Variants in PTBP3 observed in about 807,000 individuals in gnomAD.
PTBP3 encodes polypyrimidine tract-binding protein 3.
A neutral mutation model predicts 58.7 loss-of-function variants in PTBP3; 20 were observed. That is an observed-to-expected ratio of 0.34 (90% CI 0.24 to 0.50). The LOEUF is 0.50. Among genes scored for constraint, PTBP3 ranks in the 20% least tolerant of loss-of-function variants. The pLI is 0.98. For synonymous variants in PTBP3, 185 were observed against 219.8 expected (o/e 0.84, Z 1.40); for missense variants, 509 against 637.2 (o/e 0.80, Z 2.17).
chr9:112,266,652 A>T (rs1023504754), intron 4 of PTBP3, among the ~76,000 whole-genome samples: 1 of 152,242 alleles, frequency 6.6e-6, no homozygotes, highest in African/African-American at 2.4e-5. Flanking sequence ...AGTCATTTAA[A>T]GCTGATGAGG....
rs545916184 is a variant in PTBP3, at chr9:112,222,603, C to T, written c.*1248G>A. ...CAAAACCATTCACCCTTCCCCACAC[C>T]GTCTCTGCACCAAGCACCAAAAATT... On this transcript the variant is annotated 3_prime_UTR_variant, in exon 14 of 14. Coordinates refer to ENST00000374257, the MANE Select transcript of PTBP3 (RefSeq NM_001163788.4). The T allele has an allele frequency of 2.6e-5, 26 of 985,698 alleles. No homozygotes were observed. In the East Asian group the frequency reaches 7.9e-4, roughly 30 times the overall value. The allele number at this position is 985,698 out of a possible 1,614,324, so 61.1% of individuals were successfully genotyped here.
At position 112,312,491 on chromosome 9, in the gene PTBP3, T is replaced by TG. The variant is rs1481851809; in HGVS notation, c.-51-14576_-51-14575insC. Among the ~76,000 whole-genome samples, 16 of 146,766 alleles carry TG rather than the reference T, an allele frequency of 1.1e-4. 1 individual carries two copies. The highest frequency in any genetic ancestry group is 6.8e-4 in the Admixed American group (10 of 14,686). ...ACGAGACCTTGTTTTTTTTTTTGTTTTTTTTTTTTAAAAAAAAAAAAAAGG... is the reference window on the plus strand; with the variant it reads ...ACGAGACCTTGTTTTTTTTTTTGTTTGTTTTTTTTTAAAAAAAAAAAAAAGG... On this transcript the variant is annotated intron_variant, in intron 1 of 13. Coordinates refer to ENST00000374257, the MANE Select transcript of PTBP3 (RefSeq NM_001163788.4).
At chr9:112,343,879 G>A in the PTBP3 span, among the ~76,000 whole-genome samples, 2 of 151,012 alleles carry the variant, frequency 1.3e-5, no homozygotes, top group Non-Finnish European at 2.9e-5. Flanking sequence ...CATGTTATTG[G>A]CCATTCATTG....
chr9:112,270,806 G>A (rs898151850), intron 3 of PTBP3, among the ~76,000 whole-genome samples: 15 of 152,010 alleles, frequency 9.9e-5, no homozygotes, highest in African/African-American at 3.1e-4. Context: ...CCAGGGCTTA[G>A]GTTCCTTTTT....
chr9:112,321,000 A>G (rs1053959379), intron 1 of PTBP3, among the ~76,000 whole-genome samples: 1 of 152,210 alleles, frequency 6.6e-6, no homozygotes, highest in Admixed American at 6.5e-5. Context: ...GCTATAACCT[A>G]AAAGGAAAAG....
intron 7 of PTBP3, among the ~76,000 whole-genome samples, chr9:112,244,406 G>C (rs1405925972): frequency 6.6e-6 from 1 of 151,850 alleles, no homozygotes; most frequent in Non-Finnish European, 1.5e-5. Context: ...GGCTGCAGTG[G>C]CTCACGCTGG....
the PTBP3 span, among the ~76,000 whole-genome samples, chr9:112,341,628 GA>G: frequency 2.0e-5 from 3 of 151,996 alleles, no homozygotes; most frequent in African/African-American, 4.8e-5. Context: ...GTGCGTTATT[GA>G]TTTTTTTTGT....
Position 112,220,964 on chromosome 9 carries a change from T to C in PTBP3, c.*2887A>G, listed in dbSNP as rs1834787817. The C allele has an allele frequency of 1.0e-6, 1 of 963,312 alleles. No individual in the cohort carries two copies. The highest frequency in any genetic ancestry group is 1.2e-6 in the Non-Finnish European group (1 of 809,920). 59.7% of individuals were successfully genotyped at this position (963,312 alleles called of 1,614,324 possible). ...GAATAAATGCATGCCAAAACAGAGA[T>C]ACACAGATCTAGTTTTTCCACCATC... On this transcript the variant is annotated 3_prime_UTR_variant, in exon 14 of 14. Transcript: ENST00000374257.
intron 8 of PTBP3, among the ~76,000 whole-genome samples, chr9:112,233,844 T>A (rs1226892093): frequency 1.3e-5 from 2 of 152,006 alleles, no homozygotes; most frequent in African/African-American, 4.8e-5. Context: ...GGCATGAGAA[T>A]CATTTGAACC....
At chr9:112,291,431 A>T (rs963864864) in intron 2 of PTBP3, among the ~76,000 whole-genome samples, 4 of 152,200 alleles carry the variant, frequency 2.6e-5, no homozygotes, top group African/African-American at 9.6e-5. Flanking sequence ...CTTGAGAAAA[A>T]CAAAGCCGAA....
At chr9:112,270,946 C>A (rs1363636302) in intron 3 of PTBP3, among the ~76,000 whole-genome samples, 4 of 152,092 alleles carry the variant, frequency 2.6e-5, no homozygotes, top group Non-Finnish European at 5.9e-5. Flanking sequence ...GCAACCTCAG[C>A]CTCCCGAGTA....
the PTBP3 span, among the ~76,000 whole-genome samples, chr9:112,347,519 T>C: frequency 6.6e-6 from 1 of 151,994 alleles, no homozygotes; most frequent in Non-Finnish European, 1.5e-5. Flanking sequence ...TATTTGTATT[T>C]TTTTGTGGAA....
At chr9:112,340,740 G>A in the PTBP3 span, among the ~76,000 whole-genome samples, 11 of 152,074 alleles carry the variant, frequency 7.2e-5, no homozygotes, top group African/African-American at 1.4e-4. Flanking sequence ...TTAGCCGGGC[G>A]TAGTGGTGCA....
chr9:112,285,591 C>T (rs1038267299), intron 2 of PTBP3, among the ~76,000 whole-genome samples: 3 of 152,184 alleles, frequency 2.0e-5, no homozygotes, highest in Non-Finnish European at 4.4e-5. Flanking sequence ...TTGTGGGTCA[C>T]AGGATCTCTG....
the PTBP3 span, among the ~76,000 whole-genome samples, chr9:112,378,221 G>A: frequency 6.6e-6 from 1 of 152,150 alleles, no homozygotes; most frequent in Non-Finnish European, 1.5e-5. Context: ...TCTAGTCAAA[G>A]TACTGAATAC....
intron 1 of PTBP3, among the ~76,000 whole-genome samples, chr9:112,305,935 G>A (rs759517863): frequency 6.6e-6 from 1 of 151,922 alleles, no homozygotes; most frequent in African/African-American, 2.4e-5. Flanking sequence ...GCGAGACTCT[G>A]TCTCAAAAAA....
chr9:112,305,722 T>TGA (rs1829161629), intron 1 of PTBP3, among the ~76,000 whole-genome samples: 2 of 151,908 alleles, frequency 1.3e-5, no homozygotes, highest in Non-Finnish European at 2.9e-5. Flanking sequence ...GGGCGGATAA[T>TGA]GAGGTCAGGA....
At position 112,333,502 on chromosome 9, in the gene PTBP3, G is replaced by C. The variant is rs1161675159; in HGVS notation, c.-84C>G. Reference sequence around the variant, plus strand: ...TGGCCCAGATGGAGGCGCGCACAGAGCAGGGACTGACGGGCTAACCGCGAG... The same window carrying C: ...TGGCCCAGATGGAGGCGCGCACAGACCAGGGACTGACGGGCTAACCGCGAG... On this transcript the variant is annotated 5_prime_UTR_variant, in exon 1 of 14. Transcript: ENST00000374257. The C allele has an allele frequency of 6.3e-7, 1 of 1,587,486 alleles. No individual in the cohort carries two copies. Among genetic ancestry groups the C allele is most frequent in the East Asian group, 2.4e-5 (1 of 41,946 alleles).
chr9:112,227,362 T>C, intron 12 of PTBP3, 49 bp downstream of exon 12: 10 of 1,560,540 alleles, frequency 6.4e-6, no homozygotes, highest in Non-Finnish European at 8.0e-6. Context: ...ACATCACATA[T>C]TGTAGATTAT....
Sources: gnomAD v4.1 joint callset for allele counts (sites outside exome capture counted in the v4.1 genomes callset) on GRCh38, gnomAD v4.1.1 for gene constraint, MANE v1.5 for transcripts, NCBI Gene and HGNC (gene_info 2026-07-23, HGNC 2026-07-21) for gene names.